Variants in PDIA6 observed in about 807,000 individuals in gnomAD.
PDIA6 encodes protein disulfide-isomerase A6.
PDIA6 carries 29 observed loss-of-function variants against 58.4 expected under a neutral mutation model. The observed-to-expected ratio is 0.50, with a 90% confidence interval of 0.37 to 0.68. PDIA6 has a LOEUF of 0.68. PDIA6 is among the 30% of genes least tolerant of loss of function. The pLI, the probability that PDIA6 is intolerant of heterozygous loss-of-function variation, is 0.00. For missense variants in PDIA6, 480 were observed against 551.0 expected (o/e 0.87, Z 1.29); for synonymous variants, 192 against 202.6 (o/e 0.95, Z 0.44).
In PDIA6 at chr2:10,791,832, C is replaced by T. The variant is rs917256585; in HGVS notation, c.547G>A (p.Val183Ile). ...CCACACCAAGGAGCATAGAACTCAA[C>T]CATCCAAACATCTTCACTGTCCAGA... Reference protein sequence around the residue: ...NVLDSEDVWMVEFYAPWCGHC... With the variant: ...NVLDSEDVWMIEFYAPWCGHC... Residue 183 changes from valine (V) to isoleucine (I), a missense_variant, in exon 6 of 13, where the codon GTT becomes ATT. Physicochemically the swap from Val to Ile is conservative, Grantham distance 29 (BLOSUM62 3). Coordinates refer to ENST00000272227, the MANE Select transcript of PDIA6 (RefSeq NM_005742.4). 6.2e-7 allele frequency: 1 copy of T among 1,614,030 alleles called. No individual in the cohort carries two copies. Among genetic ancestry groups the T allele is most frequent in the African/African-American group, 1.3e-5 (1 of 74,934 alleles).
intron 5 of PDIA6, 85 bp from the exon 6 acceptor site, chr2:10,792,010 T>G (rs2148539512): frequency 7.2e-7 from 1 of 1,381,102 alleles, no homozygotes; most frequent in Middle Eastern, 1.9e-4. Flanking sequence ...CTGCTACATC[T>G]TAACAAAGTT....
rs181408041 is a variant in PDIA6 at position 10,821,020 on chromosome 2, A to G, written c.-47-1666T>C. 84 of 568,534 alleles carry G rather than the reference A, an allele frequency of 1.5e-4. No homozygotes were observed. The African/African-American group carries it at 1.5e-3, about 10-fold the overall frequency. The allele number at this position is 568,534 out of a possible 1,614,324, so 35.2% of individuals were successfully genotyped here. A position where few individuals can be genotyped will look rare whatever the true frequency, so the allele number is the denominator to read the frequency against. On this transcript the variant is annotated intron_variant, in intron 1 of 13. Transcript: ENST00000381611. ...CCCAGGACGAAGGGGAGGGGGGTGG[A>G]TTCTACCTCCCAGTGAGGAGATGGC...
upstream of PDIA6, among the ~76,000 whole-genome samples, chr2:10,833,167 G>A (rs12328435): frequency 0.036 from 5,461 of 152,190 alleles, 343 homozygotes; most frequent in African/African-American, 0.13. Context: ...GGACAGCCCC[G>A]CTCCCTCGAC....
chr2:10,823,583 G>A (rs565610148), intron 1 of PDIA6, among the ~76,000 whole-genome samples: 5 of 152,264 alleles, frequency 3.3e-5, no homozygotes, highest in East Asian at 3.9e-4. Context: ...CTGATAATTC[G>A]AGCACCAAAA....
exon 2 of PDIA6, chr2:10,819,313 G>A: frequency 6.5e-7 from 1 of 1,539,624 alleles, no homozygotes; most frequent in Non-Finnish European, 8.8e-7. Context: ...TACATTATGG[G>A]ACTTTTCCTT....
chr2:10,809,098 C>T (rs1666888511), intron 1 of PDIA6, among the ~76,000 whole-genome samples: 1 of 152,174 alleles, frequency 6.6e-6, no homozygotes, highest in African/African-American at 2.4e-5. Flanking sequence ...CGTGAGCCAC[C>T]GTGCCCGGCC....
chr2:10,786,004 G>A (rs1045928620), intron 11 of PDIA6, among the ~76,000 whole-genome samples: 13 of 149,624 alleles, frequency 8.7e-5, no homozygotes, highest in South Asian at 2.3e-4. Flanking sequence ...GTGAGCCACC[G>A]CACCCAGCCC....
chr2:10,796,122 C>T (rs192073836), intron 4 of PDIA6, among the ~76,000 whole-genome samples: 11 of 147,502 alleles, frequency 7.5e-5, no homozygotes, highest in Non-Finnish European at 1.0e-4. Flanking sequence ...AGTACAATCT[C>T]GGCTCACTGC....
rs188184854 is a variant in PDIA6 at position 10,785,389 on chromosome 2, C to T, written c.1158-359G>A. Among the ~76,000 whole-genome samples the T allele has an allele frequency of 1.5e-3, 228 of 152,254 alleles. 1 individual carries two copies. The highest frequency in any genetic ancestry group is 3.4e-3 in the Middle Eastern group (1 of 294). ...GCGAGCTTTCTAAGACTGCTGTGAA[C>T]CTGTACAGAGGGAGCATATCAGAAG... On this transcript the variant is annotated intron_variant, in intron 11 of 12. Transcript: ENST00000272227.
At chr2:10,806,632 A>AAGAC (rs1558452527) in intron 1 of PDIA6, among the ~76,000 whole-genome samples, 6 of 121,238 alleles carry the variant, frequency 4.9e-5, no homozygotes, top group Middle Eastern at 4.2e-3. Flanking sequence ...TAAAGACAGA[A>AAGAC]AGAAAGAAAG....
At chr2:10,797,526 A>G (rs1283239603) in intron 3 of PDIA6, among the ~76,000 whole-genome samples, 174 bp downstream of exon 3, 1 of 152,238 alleles carries the variant, frequency 6.6e-6, no homozygotes, top group Non-Finnish European at 1.5e-5. Flanking sequence ...TGTTCTCAGT[A>G]TGATTTTGAC....
rs1287590376 is a variant in PDIA6, at chr2:10,812,556, CCCGCCCGCCAGGCCCACTT to C, written c.19+103_19+121del. 8.6e-5 allele frequency: 89 copies of C among 1,032,258 alleles called. No homozygotes were observed. In the African/African-American group the frequency reaches 1.3e-3, roughly 15 times the overall value. 63.9% of individuals were successfully genotyped at this position (1,032,258 alleles called of 1,614,324 possible). ...CCTCCGGACGCCGAGGCCCGCGCCT[CCCGCCCGCCAGGCCCACTT>C]CCGGCCGCCTGCGGCCGCGGCCCGC... On this transcript the variant is annotated intron_variant, in intron 1 of 12. Coordinates refer to ENST00000272227, the MANE Select transcript of PDIA6 (RefSeq NM_005742.4).
chr2:10,805,949 T>G, intron 1 of PDIA6, among the ~76,000 whole-genome samples: 1 of 88,570 alleles, frequency 1.1e-5, no homozygotes, highest in Non-Finnish European at 2.6e-5. Flanking sequence ...TCGGGAGATA[T>G]ACCTAATGCT....
intron 1 of PDIA6, chr2:10,823,167 A>G (rs1667450313): frequency 6.6e-6 from 1 of 152,258 alleles, no homozygotes; most frequent in African/African-American, 2.4e-5. Context: ...CAGATGCTAA[A>G]GAATCCAAGG....
Position 10,784,314 on chromosome 2 carries a change from C to CATGA in PDIA6, c.1266_1267insTCAT (p.Asp423SerfsTer2). The CATGA allele has an allele frequency of 6.2e-7, 1 of 1,613,080 alleles. No homozygotes were observed. Reference sequence around the variant, plus strand: ...TCCACATCACTGAGGTCAATGTCATCCTCCACGGGAAGCTGGGAGACGACA... The same window carrying CATGA: ...TCCACATCACTGAGGTCAATGTCATCATGACTCCACGGGAAGCTGGGAGACGACA... On this transcript the variant is annotated frameshift_variant, in exon 13 of 13. Transcript: ENST00000272227. LOFTEE classifies it high-confidence loss of function.
chr2:10,806,118 A>C (rs1186664014), intron 1 of PDIA6, among the ~76,000 whole-genome samples: 1 of 151,692 alleles, frequency 6.6e-6, no homozygotes, highest in Non-Finnish European at 1.5e-5. Context: ...TTGTAATCCC[A>C]GCACTTTGGG....
rs1666115009 is a variant in PDIA6, at chr2:10,793,210, A to G, written c.347-8T>C. On this transcript the variant is annotated splice_polypyrimidine_tract_variant and splice_region_variant and intron_variant, in intron 4 of 12. Coordinates refer to ENST00000272227, the MANE Select transcript of PDIA6 (RefSeq NM_005742.4). Reference sequence around the variant, plus strand: ...CTTCACCAGTTCTGCCACCTACAGGAGACGGAAGGTAGGCGGTCCTCAGCC... The same window carrying G: ...CTTCACCAGTTCTGCCACCTACAGGGGACGGAAGGTAGGCGGTCCTCAGCC... 6.3e-7 allele frequency: 1 copy of G among 1,592,180 alleles called. No individual in the cohort carries two copies. Among genetic ancestry groups the G allele is most frequent in the Non-Finnish European group, 8.6e-7 (1 of 1,165,000 alleles).
chr2:10,837,603 C>T, exon 1 of PDIA6: 1 of 985,944 alleles, frequency 1.0e-6, no homozygotes, highest in Non-Finnish European at 1.6e-6. Context: ...TGATTATCCT[C>T]ATTTTGCAGT....
chr2:10,810,475 C>G (rs1353300076), intron 1 of PDIA6: 3 of 1,324,318 alleles, frequency 2.3e-6, no homozygotes, highest in Non-Finnish European at 2.9e-6. Flanking sequence ...CCTTCCCTTT[C>G]CGTATAAAGA....
Sources: allele counts gnomAD v4.1 joint callset (sites outside exome capture counted in the v4.1 genomes callset), GRCh38; gene constraint gnomAD v4.1.1; transcripts MANE v1.5; gene names NCBI Gene and HGNC (gene_info 2026-07-23, HGNC 2026-07-21).